The following MCF2L variants were observed in gnomAD, a reference collection of about 807,000 sequenced individuals.
MCF2L encodes the protein guanine nucleotide exchange factor DBS.
In MCF2L, 97 loss-of-function variants were observed where a neutral mutation model predicts 153.4. That is an observed-to-expected ratio of 0.63 (90% CI 0.54 to 0.75). MCF2L has a LOEUF of 0.75. Among genes scored for constraint, MCF2L ranks in the 30% least tolerant of loss-of-function variants. MCF2L has a pLI of 0.00. For missense variants in MCF2L, 1,347 were observed against 1,495.2 expected (o/e 0.90, Z 1.64); for synonymous variants, 659 against 632.2 (o/e 1.04, Z -0.64).
At chr13:112,903,452 C>T (rs1408994182) in intron 2 of MCF2L, among the ~76,000 whole-genome samples, 2 of 152,192 alleles carry the variant, frequency 1.3e-5, no homozygotes, top group African/African-American at 4.8e-5. Context: ...ACTGCCCTGG[C>T]CCTGTCTTCA....
rs920838549 is a variant in MCF2L, at chr13:112,932,587, G to A, written c.169+30216G>A. Reference sequence around the variant, plus strand: ...TATTGGAGGACACTGGGGGAGGGGTGTGTGGGAGCCCTGTTCTATGTCAGT... The same window carrying A: ...TATTGGAGGACACTGGGGGAGGGGTATGTGGGAGCCCTGTTCTATGTCAGT... On this transcript the variant is annotated intron_variant, in intron 2 of 29. Coordinates refer to the MCF2L transcript ENST00000375608. This position sits in a 1 kb window ranked among gnomAD's most constrained non-coding sequence, Gnocchi z 4.6. Among the ~76,000 whole-genome samples, 3 of 152,230 alleles carry A rather than the reference G, an allele frequency of 2.0e-5. No individual in the cohort carries two copies. The highest frequency in any genetic ancestry group is 7.2e-5 in the African/African-American group (3 of 41,454).
intron 1 of MCF2L, among the ~76,000 whole-genome samples, chr13:112,972,126 TA>T (rs1430528942): frequency 6.6e-6 from 1 of 152,242 alleles, no homozygotes; most frequent in Non-Finnish European, 1.5e-5. Flanking sequence ...GAAGAATCTT[TA>T]AATCTAGCCC....
intron 3 of MCF2L, among the ~76,000 whole-genome samples, chr13:113,041,682 G>A (rs553080708): frequency 6.6e-6 from 1 of 152,332 alleles, no homozygotes; most frequent in African/African-American, 2.4e-5. Context: ...CACCTTCTGA[G>A]TCAGTGTTCC....
intron 9 of MCF2L, among the ~76,000 whole-genome samples, chr13:113,072,388 A>G (rs1284683120): frequency 6.6e-6 from 1 of 152,154 alleles, no homozygotes; most frequent in Non-Finnish European, 1.5e-5. Flanking sequence ...CCACCATATG[A>G]TAAGAGTGGC....
intron 1 of MCF2L, among the ~76,000 whole-genome samples, chr13:112,975,021 C>T (rs7983787): frequency 7.4e-4 from 112 of 152,346 alleles, no homozygotes; most frequent in African/African-American, 2.6e-3. Context: ...CGTCAGCTCA[C>T]GTCACCATCC....
At chr13:113,096,241 C>A in intron 27 of MCF2L, 130 bp from the exon 28 acceptor site, 1 of 703,082 alleles carries the variant, frequency 1.4e-6, no homozygotes, top group South Asian at 1.8e-5. Context: ...GAGCCCTTCC[C>A]CGGAGCTGGT....
chr13:112,912,517 A>G (rs2081243432), intron 2 of MCF2L, among the ~76,000 whole-genome samples: 1 of 152,186 alleles, frequency 6.6e-6, no homozygotes. Flanking sequence ...GGGTTTCACC[A>G]TGTTGGCCAG....
At chr13:112,989,926 C>A (rs1334162817) in intron 1 of MCF2L, among the ~76,000 whole-genome samples, 1 of 152,224 alleles carries the variant, frequency 6.6e-6, no homozygotes, top group Non-Finnish European at 1.5e-5. Flanking sequence ...GATCATCAGG[C>A]ATTAGATTCT....
intron 27 of MCF2L, 187 bp from the exon 28 acceptor site, chr13:113,096,184 G>A (rs914190896): frequency 3.5e-5 from 21 of 602,248 alleles, no homozygotes; most frequent in African/African-American, 9.4e-5. Flanking sequence ...GCCTTCCATC[G>A]CCGCTGCGGT....
At chr13:112,936,957 T>C (rs932891498) in intron 2 of MCF2L, among the ~76,000 whole-genome samples, 11 of 152,238 alleles carry the variant, frequency 7.2e-5, no homozygotes, top group Non-Finnish European at 1.6e-4. Context: ...TATTTCAATG[T>C]GCAGTATATT....
rs868351401 is a variant in MCF2L, at chr13:113,072,164, A to G, written c.996+1991A>G. On this transcript the variant is annotated intron_variant, in intron 9 of 29. Transcript: ENST00000535094. Reference sequence around the variant, plus strand: ...ATTCATTGCTGCACATAGAAACACAATTGATTTTTGTATATTTATCTTGTC... The same window carrying G: ...ATTCATTGCTGCACATAGAAACACAGTTGATTTTTGTATATTTATCTTGTC... Among the ~76,000 whole-genome samples the G allele has an allele frequency of 2.0e-4, 30 of 152,264 alleles. 1 individual carries two copies. Among genetic ancestry groups the G allele is most frequent in the Middle Eastern group, 3.4e-3 (1 of 294 alleles).
intron 1 of MCF2L, among the ~76,000 whole-genome samples, chr13:112,986,957 C>T (rs1342688949): frequency 1.3e-5 from 2 of 152,218 alleles, no homozygotes; most frequent in Admixed American, 6.5e-5. Context: ...AACAAGCTGG[C>T]GTCCTGCCCA....
chr13:112,950,723 A>G (rs935881208), intron 2 of MCF2L, among the ~76,000 whole-genome samples: 2 of 152,262 alleles, frequency 1.3e-5, no homozygotes, highest in Admixed American at 6.5e-5. Flanking sequence ...TATTAGAATG[A>G]TAAGTTCTAA....
At chr13:113,089,906 TC>T in intron 26 of MCF2L, 178 bp downstream of exon 26, 1 of 1,603,624 alleles carries the variant, frequency 6.2e-7, no homozygotes, top group Non-Finnish European at 8.5e-7. Flanking sequence ...AGCCCCTCCC[TC>T]TCCATTGCTC....
Position 113,024,687 on chromosome 13 carries a change from C to T in MCF2L, c.207C>T (p.Asp69=). Residue 69 remains aspartate (D), a synonymous_variant, in exon 3 of 30, where the codon GAC becomes GAT. Coordinates refer to ENST00000535094, the MANE Select transcript of MCF2L (RefSeq NM_001112732.3). ...GAAGCCCGGTTATCACCTTCCCTGACTACCCGGCCTTCAGCGAGATTCCGG... is the reference window on the plus strand; with the variant it reads ...GAAGCCCGGTTATCACCTTCCCTGATTACCCGGCCTTCAGCGAGATTCCGG... ...QDGSPVITFP[D]YPAFSEIPDK... is the part of the protein sequence containing the mutation. 6.2e-7 allele frequency: 1 copy of T among 1,614,200 alleles called. No homozygotes were observed. Among genetic ancestry groups the T allele is most frequent in the South Asian group, 1.1e-5 (1 of 91,082 alleles).
At chr13:113,016,258 G>A (rs1330217401) in intron 2 of MCF2L, among the ~76,000 whole-genome samples, 1 of 152,216 alleles carries the variant, frequency 6.6e-6, no homozygotes, top group Non-Finnish European at 1.5e-5. Context: ...GCTCTTCCTG[G>A]CATGAGGGAT....
At chr13:113,085,041 G>A (rs922946104) in intron 19 of MCF2L, 45 bp from the exon 20 acceptor site, 1 of 1,612,200 alleles carries the variant, frequency 6.2e-7, no homozygotes, top group Non-Finnish European at 8.5e-7. Context: ...GACTCCTGAG[G>A]AATAATGAAA....
intron 2 of MCF2L, among the ~76,000 whole-genome samples, chr13:112,952,560 CTT>C (rs1190280712): frequency 6.6e-6 from 1 of 152,236 alleles, no homozygotes; most frequent in Non-Finnish European, 1.5e-5. Flanking sequence ...ATCTGAATAA[CTT>C]TGCCTTCCTT....
At chr13:112,973,599 G>C (rs2082122151) in intron 1 of MCF2L, among the ~76,000 whole-genome samples, 1 of 152,208 alleles carries the variant, frequency 6.6e-6, no homozygotes, top group Non-Finnish European at 1.5e-5. Flanking sequence ...GCAGCGCTCA[G>C]GCCTCCCAGC....
Sources: gnomAD v4.1 joint callset for allele counts (sites outside exome capture counted in the v4.1 genomes callset) on GRCh38, gnomAD v4.1.1 for gene constraint, Gnocchi (gnomAD v3.1) non-coding constraint, MANE v1.5 for transcripts, NCBI Gene and HGNC (gene_info 2026-07-23, HGNC 2026-07-21) for gene names.